POU2F2: variants seen among roughly 807,000 people sequenced by gnomAD.
POU2F2 encodes the protein POU domain, class 2, transcription factor 2.
In POU2F2, 14 loss-of-function variants were observed where a neutral mutation model predicts 63.5. The observed-to-expected ratio is 0.22, with a 90% CI of 0.15 to 0.34. The LOEUF (loss-of-function observed/expected upper bound fraction) is 0.34, where lower values mean the gene tolerates loss of function less well. POU2F2 is among the 10% of genes least tolerant of loss of function. POU2F2 has a pLI of 1.00. For missense variants in POU2F2, 607 were observed against 815.2 expected (o/e 0.74, Z 3.11); for synonymous variants, 306 against 348.6 (o/e 0.88, Z 1.36).
At chr19:42,151,314 C>CG (rs2034345772) in intron 2 of POU2F2, among the ~76,000 whole-genome samples, 1 of 59,930 alleles carries the variant, frequency 1.7e-5, no homozygotes, top group Non-Finnish European at 3.5e-5. Flanking sequence ...GGGCAGAAGG[C>CG]GGGGGTGGGG....
rs556861549 is a variant in POU2F2, at chr19:42,094,383, G to C, written c.1198-488C>G. Among the ~76,000 whole-genome samples the C allele has an allele frequency of 5.3e-5, 8 of 152,276 alleles. No homozygotes were observed. The South Asian group carries it at 1.7e-3, about 32-fold the overall frequency. ...GCATATCTTTGCATCGGGGTGTTGA[G>C]ATGTCATATTACTTGATTTTCTGGG... On this transcript the variant is annotated intron_variant, in intron 11 of 14. Coordinates refer to ENST00000692977, the MANE Select transcript of POU2F2 (RefSeq NM_001394376.1).
chr19:42,189,578 AGC>A (rs1192368657), intron 1 of POU2F2, among the ~76,000 whole-genome samples: 14 of 152,212 alleles, frequency 9.2e-5, no homozygotes, highest in African/African-American at 3.4e-4. Context: ...TGCTTAAGTT[AGC>A]AAGAGTCGGT....
chr19:42,192,224 G>A (rs1382919599), intron 1 of POU2F2, among the ~76,000 whole-genome samples: 2 of 152,166 alleles, frequency 1.3e-5, no homozygotes, highest in Non-Finnish European at 2.9e-5. Flanking sequence ...ATGGGTTGGG[G>A]TGGAGAGGAA....
intron 2 of POU2F2, among the ~76,000 whole-genome samples, chr19:42,151,545 T>C (rs1228020444): frequency 1.3e-5 from 2 of 152,082 alleles, no homozygotes; most frequent in Admixed American, 6.5e-5. Context: ...TGGATGGCCC[T>C]GCCTCCCATC....
rs1352661861 is a variant in POU2F2 at position 42,091,960 on chromosome 19, G to C, written c.1467-20C>G. The C allele has an allele frequency of 5.8e-6, 9 of 1,539,576 alleles. No homozygotes were observed. Among genetic ancestry groups the C allele is most frequent in the Non-Finnish European group, 7.9e-6 (9 of 1,141,936 alleles). ...GTGCTTCTGCAAGAGGCAAAGCAGAGGCATTAGCAGGGGCAGGGACCTGCC... is the reference window on the plus strand; with the variant it reads ...GTGCTTCTGCAAGAGGCAAAGCAGACGCATTAGCAGGGGCAGGGACCTGCC... On this transcript the variant is annotated intron_variant, in intron 13 of 14. Coordinates refer to ENST00000692977, the MANE Select transcript of POU2F2 (RefSeq NM_001394376.1).
rs1054901688 is a variant in POU2F2 at position 42,169,721 on chromosome 19, GT to G, written c.-70+6241del. 1.3e-5 allele frequency among the ~76,000 whole-genome samples: 2 copies of G among 152,110 alleles called. No homozygotes were observed. The highest frequency in any genetic ancestry group is 4.8e-5 in the African/African-American group (2 of 41,410). On this transcript the variant is annotated intron_variant, in intron 1 of 6. Transcript: ENST00000524801. The surrounding 1 kb of genome is among the most constrained non-coding windows in gnomAD (Gnocchi z 4.3). ...GTTCAAGACTTACGTGGCCTCTCTA[GT>G]TTGGCGAATGAGTGCGCGCACACGT...
At chr19:42,128,872 G>A (rs924419098) in intron 1 of POU2F2, among the ~76,000 whole-genome samples, 2 of 150,702 alleles carry the variant, frequency 1.3e-5, no homozygotes, top group Non-Finnish European at 1.5e-5. Context: ...TCACTCTGTC[G>A]CCCAGGCTGG....
At chr19:42,182,668 T>A (rs914827834) in intron 1 of POU2F2, among the ~76,000 whole-genome samples, 1 of 151,914 alleles carries the variant, frequency 6.6e-6, no homozygotes, top group Non-Finnish European at 1.5e-5. Context: ...ACAACCTAGC[T>A]CCCTAGGATG....
At chr19:42,140,362 C>G in intron 2 of POU2F2, among the ~76,000 whole-genome samples, 1 of 152,234 alleles carries the variant, frequency 6.6e-6, no homozygotes, top group Non-Finnish European at 1.5e-5. Flanking sequence ...AAGCAAGAGC[C>G]CATGGCCTTG....
upstream of POU2F2, among the ~76,000 whole-genome samples, chr19:42,134,892 C>A (rs2033969993): frequency 6.6e-6 from 1 of 152,060 alleles, no homozygotes. Context: ...GCGAGTCGAT[C>A]AAATACATTA....
chr19:42,180,410 A>G (rs1646692426), upstream of POU2F2, among the ~76,000 whole-genome samples: 2 of 152,166 alleles, frequency 1.3e-5, no homozygotes, highest in Non-Finnish European at 2.9e-5. Flanking sequence ...CAACCCACAC[A>G]CTATCCATTC....
chr19:42,177,015 C>T (rs1036082247), upstream of POU2F2: 1 of 88,304 alleles, frequency 1.1e-5, no homozygotes, highest in Non-Finnish European at 2.4e-5. Flanking sequence ...AAGCGCGGCG[C>T]GGGCGGGCGG....
chr19:42,168,438 T>C (rs1483859558), intron 1 of POU2F2, among the ~76,000 whole-genome samples: 2 of 152,232 alleles, frequency 1.3e-5, no homozygotes. Flanking sequence ...CCTCACATGA[T>C]TGCTGGGAAC....
chr19:42,106,015 CTTTCTTT>C (rs2029871886), intron 5 of POU2F2, among the ~76,000 whole-genome samples: 1 of 141,094 alleles, frequency 7.1e-6, no homozygotes, highest in African/African-American at 2.7e-5. Flanking sequence ...TTCTTTCTTT[CTTTCTTT>C]CTTTCTTTCT....
upstream of POU2F2, among the ~76,000 whole-genome samples, chr19:42,134,883 C>T (rs569607505): frequency 6.6e-6 from 1 of 152,164 alleles, no homozygotes; most frequent in South Asian, 2.1e-4. Flanking sequence ...ACGCGGCCGG[C>T]GAGTCGATCA....
rs903650339 is a variant in POU2F2 at position 42,153,587 on chromosome 19, T to C, written c.-9+6745A>G. ...GGCAGCTGCGTGTGCTTCAGGGATC[T>C]GCGCGGTGGTCTCTATGTGTACTGG... is the stretch of plus-strand genomic sequence containing the variant. On this transcript the variant is annotated intron_variant, in intron 2 of 6. Coordinates refer to the POU2F2 transcript ENST00000524801. This position sits in a 1 kb window ranked among gnomAD's most constrained non-coding sequence, Gnocchi z 5.6. Among the ~76,000 whole-genome samples the C allele has an allele frequency of 9.2e-5, 14 of 152,280 alleles. No individual in the cohort carries two copies. Among genetic ancestry groups the C allele is most frequent in the African/African-American group, 3.4e-4 (14 of 41,544 alleles).
intron 1 of POU2F2, among the ~76,000 whole-genome samples, 153 bp downstream of exon 1, chr19:42,132,231 G>T (rs1239847670): frequency 6.6e-6 from 1 of 152,216 alleles, no homozygotes; most frequent in African/African-American, 2.4e-5. Flanking sequence ...GTGGGGGTTA[G>T]CGGGGACCCG....
At chr19:42,120,916 G>A (rs1048886175) in intron 4 of POU2F2, among the ~76,000 whole-genome samples, 1 of 152,184 alleles carries the variant, frequency 6.6e-6, no homozygotes, top group African/African-American at 2.4e-5. Flanking sequence ...GACTGTGACA[G>A]AAGCACATGA....
chr19:42,139,165 C>A (rs755223305), intron 2 of POU2F2, among the ~76,000 whole-genome samples: 3 of 152,056 alleles, frequency 2.0e-5, no homozygotes, highest in Non-Finnish European at 4.4e-5. Flanking sequence ...CTGAAAAATA[C>A]AAAAATTAGC....
Sources: allele counts gnomAD v4.1 joint callset (sites outside exome capture counted in the v4.1 genomes callset), GRCh38; gene constraint gnomAD v4.1.1; non-coding constraint Gnocchi (gnomAD v3.1); transcripts MANE v1.5; gene names NCBI Gene and HGNC (gene_info 2026-07-23, HGNC 2026-07-21).